The following SIPA1L3 variants were observed in gnomAD, a reference collection of about 807,000 sequenced individuals.
SIPA1L3 encodes signal-induced proliferation-associated 1-like protein 3.
In SIPA1L3, 59 loss-of-function variants were observed where a neutral mutation model predicts 150.1. The observed-to-expected ratio is 0.39, with a 90% CI of 0.32 to 0.49. The LOEUF (loss-of-function observed/expected upper bound fraction) is 0.49, where lower values mean the gene tolerates loss of function less well. Ranked by LOEUF, SIPA1L3 falls within the 20% of genes least tolerant of loss-of-function variation. SIPA1L3 has a pLI of 0.86. For missense variants in SIPA1L3, 2,211 were observed against 2,489.5 expected (o/e 0.89, Z 2.38); for synonymous variants, 1,070 against 1,077.6 (o/e 0.99, Z 0.14).
At chr19:38,136,183 C>CAAAATAAAAAAA in intron 10 of SIPA1L3, among the ~76,000 whole-genome samples, 1 of 44,118 alleles carries the variant, frequency 2.3e-5, no homozygotes, top group African/African-American at 8.3e-5. Context: ...GAGACTGTCT[C>CAAAATAAAAAAA]AAAAAAAAAA....
chr19:38,017,455 C>T (rs560077996), intron 1 of SIPA1L3, among the ~76,000 whole-genome samples: 1 of 152,246 alleles, frequency 6.6e-6, no homozygotes, highest in East Asian at 1.9e-4. Context: ...CAAATCTTCA[C>T]CAGAGTTCTC....
intron 1 of SIPA1L3, among the ~76,000 whole-genome samples, chr19:37,981,604 A>G (rs1012314691): frequency 6.6e-6 from 1 of 151,896 alleles, no homozygotes; most frequent in Non-Finnish European, 1.5e-5. Context: ...TATTATTCCT[A>G]TTATTTCACA....
chr19:38,182,136 C>CAAAAAAAAAAAAAA (rs4006822), intron 15 of SIPA1L3, among the ~76,000 whole-genome samples: 3 of 130,092 alleles, frequency 2.3e-5, no homozygotes, highest in Non-Finnish European at 4.7e-5. Flanking sequence ...GACCCTGTCT[C>CAAAAAAAAAAAAAA]AAAAAAAAAA....
chr19:38,206,363 G>T lies in SIPA1L3; in HGVS notation c.*123G>T. 1 of 1,214,050 alleles carries T rather than the reference G, an allele frequency of 8.2e-7. No homozygotes were observed. The highest frequency in any genetic ancestry group is 1.6e-5 in the South Asian group (1 of 62,034). The allele number at this position is 1,214,050 out of a possible 1,614,324, so 75.2% of individuals were successfully genotyped here. On this transcript the variant is annotated 3_prime_UTR_variant, in exon 22 of 22. Transcript: ENST00000222345. ...ATGACCCATCCAGGGCCCTCCCCAT[G>T]GACACGGAAACTCCGATGGCCTCAC...
At chr19:38,002,150 A>AT (rs1249796691) in intron 1 of SIPA1L3, among the ~76,000 whole-genome samples, 2 of 152,132 alleles carry the variant, frequency 1.3e-5, no homozygotes, top group Non-Finnish European at 2.9e-5. Context: ...TCCACAGAAC[A>AT]TTTTTCATCT....
intron 1 of SIPA1L3, among the ~76,000 whole-genome samples, chr19:37,945,789 A>G (rs975928105): frequency 2.0e-5 from 3 of 152,076 alleles, no homozygotes; most frequent in Non-Finnish European, 4.4e-5. Context: ...CACAAAAATC[A>G]TTTGTTTGCT....
chr19:38,000,952 CACAT>C (rs1967785848), intron 1 of SIPA1L3, among the ~76,000 whole-genome samples: 1 of 78,650 alleles, frequency 1.3e-5, no homozygotes. Context: ...ACATATAACA[CACAT>C]ATAACACATA....
At chr19:37,973,021 A>G (rs1467585748) in intron 1 of SIPA1L3, among the ~76,000 whole-genome samples, 1 of 152,026 alleles carries the variant, frequency 6.6e-6, no homozygotes, top group East Asian at 1.9e-4. Context: ...GTCCTCATTC[A>G]AGTCAATCAG....
chr19:37,985,953 G>T (rs575580757), intron 1 of SIPA1L3, among the ~76,000 whole-genome samples: 6 of 152,228 alleles, frequency 3.9e-5, no homozygotes, highest in Non-Finnish European at 8.8e-5. Flanking sequence ...ACCCAGCTGC[G>T]CCGTCATGCG....
chr19:37,930,332 A>G lies in SIPA1L3; in HGVS notation c.-379+22974A>G, dbSNP rs181821309. Among the ~76,000 whole-genome samples, 32 of 148,186 alleles carry G rather than the reference A, an allele frequency of 2.2e-4. No homozygotes were observed. In the East Asian group the frequency reaches 5.6e-3, roughly 26 times the overall value. On this transcript the variant is annotated intron_variant, in intron 1 of 21. Transcript: ENST00000222345. ...CAGCCCATGCCTGGCTAATTTTTTA[A>G]TCATTCATAGAGACGAGGTCTCACT...
At chr19:37,921,291 C>A (rs1464199729) in intron 1 of SIPA1L3, among the ~76,000 whole-genome samples, 1 of 152,188 alleles carries the variant, frequency 6.6e-6, no homozygotes, top group Non-Finnish European at 1.5e-5. Context: ...GGAACAACAG[C>A]ACATGAGTAT....
intron 1 of SIPA1L3, among the ~76,000 whole-genome samples, chr19:37,954,175 T>A (rs891576834): frequency 2.0e-5 from 3 of 152,142 alleles, no homozygotes; most frequent in African/African-American, 7.2e-5. Context: ...TCTTGGTGGA[T>A]CTAGAAAAAT....
chr19:38,138,812 C>T lies in SIPA1L3; in HGVS notation c.3144-2372C>T, dbSNP rs994781233. Among the ~76,000 whole-genome samples, 9 of 145,880 alleles carry T rather than the reference C, an allele frequency of 6.2e-5. 1 individual carries two copies. Among genetic ancestry groups the T allele is most frequent in the Non-Finnish European group, 1.0e-4 (7 of 67,006 alleles). Reference sequence around the variant, plus strand: ...ACTCGGGAGGCTGAGGCAGGAGAATCGCTTGAACCTGGGAGGCAGAGGTTG... The same window carrying T: ...ACTCGGGAGGCTGAGGCAGGAGAATTGCTTGAACCTGGGAGGCAGAGGTTG... On this transcript the variant is annotated intron_variant, in intron 10 of 21. Coordinates refer to ENST00000222345, the MANE Select transcript of SIPA1L3 (RefSeq NM_015073.3).
chr19:38,077,825 C>T (rs532928568), intron 2 of SIPA1L3, among the ~76,000 whole-genome samples: 16 of 151,756 alleles, frequency 1.1e-4, no homozygotes, highest in African/African-American at 3.4e-4. Flanking sequence ...TGTGCGCCAC[C>T]GCACCCAGCT....
chr19:38,189,765 C>CA (rs371930017), intron 16 of SIPA1L3, among the ~76,000 whole-genome samples: 3 of 151,378 alleles, frequency 2.0e-5, no homozygotes, highest in African/African-American at 4.8e-5. Context: ...GACCCTGTCT[C>CA]AAAAAAAATA....
intron 2 of SIPA1L3, among the ~76,000 whole-genome samples, chr19:38,035,054 G>C (rs999874318): frequency 1.3e-5 from 2 of 152,186 alleles, no homozygotes; most frequent in African/African-American, 2.4e-5. Context: ...GGGAAGCCCA[G>C]GGGAGTGGGA....
In SIPA1L3 at chr19:38,036,158, G is replaced by T. The variant is rs552021554; in HGVS notation, c.-311+7002G>T. 1.1e-4 allele frequency among the ~76,000 whole-genome samples: 17 copies of T among 152,310 alleles called. No individual in the cohort carries two copies. In the East Asian group the frequency reaches 3.3e-3, roughly 29 times the overall value. On this transcript the variant is annotated intron_variant, in intron 2 of 21. Coordinates refer to ENST00000222345, the MANE Select transcript of SIPA1L3 (RefSeq NM_015073.3). ...TGCCCTTGACCTCTGTGGCCAGAAC[G>T]CATGGATGCTCTGCTCAGCCCATCA... is the stretch of plus-strand genomic sequence containing the variant.
chr19:38,077,308 G>T (rs1969858750), intron 2 of SIPA1L3, among the ~76,000 whole-genome samples: 2 of 152,052 alleles, frequency 1.3e-5, no homozygotes, highest in South Asian at 4.1e-4. Context: ...AAAATTAGCT[G>T]GGCATGGTGA....
rs778521850 is a variant in SIPA1L3, at chr19:38,193,789, G to A, written c.4840+9G>A. 4 of 1,542,828 alleles carry A rather than the reference G, an allele frequency of 2.6e-6. No individual in the cohort carries two copies. In the Admixed American group the frequency reaches 5.6e-5, roughly 22 times the overall value. ...CTTTCCCGAGAAGAAATGTGAGCCT[G>A]GGCCCCCTGGGACTGGCGCGGTAGT... On this transcript the variant is annotated intron_variant, in intron 18 of 21. Coordinates refer to ENST00000222345, the MANE Select transcript of SIPA1L3 (RefSeq NM_015073.3).
Sources: gnomAD v4.1 joint callset for allele counts (sites outside exome capture counted in the v4.1 genomes callset) on GRCh38, gnomAD v4.1.1 for gene constraint, MANE v1.5 for transcripts, NCBI Gene and HGNC (gene_info 2026-07-23, HGNC 2026-07-21) for gene names.